The following PRKAA2 variants were observed in gnomAD, a reference collection of about 807,000 sequenced individuals.
The protein encoded by PRKAA2 is 5'-AMP-activated protein kinase catalytic subunit alpha-2.
PRKAA2 carries 40 observed loss-of-function variants against 56.3 expected under a neutral mutation model. That is an observed-to-expected ratio of 0.71 (90% CI 0.55 to 0.92). PRKAA2 has a LOEUF of 0.92. Ranked by LOEUF, PRKAA2 falls within the 40% of genes least tolerant of loss-of-function variation. The pLI is 0.00. For missense variants in PRKAA2, 542 were observed against 686.9 expected, an observed-to-expected ratio of 0.79 and a Z score of 2.36; for synonymous variants, 214 against 234.2, an observed-to-expected ratio of 0.91 and a Z score of 0.79.
intron 3 of PRKAA2, 97 bp from the exon 4 acceptor site, chr1:56,692,261 A>G: frequency 2.1e-6 from 3 of 1,442,518 alleles, no homozygotes; most frequent in Non-Finnish European, 2.9e-6. Flanking sequence ...CAAACTCCTG[A>G]CCTCAGGTAA....
chr1:56,674,005 C>A (rs1644095892), intron 1 of PRKAA2, among the ~76,000 whole-genome samples: 1 of 151,986 alleles, frequency 6.6e-6, no homozygotes, highest in Non-Finnish European at 1.5e-5. Flanking sequence ...AATACAATGA[C>A]TGGCATTAAA....
chr1:56,661,833 A>C (rs907487503), intron 1 of PRKAA2, among the ~76,000 whole-genome samples: 1 of 152,020 alleles, frequency 6.6e-6, no homozygotes, highest in Non-Finnish European at 1.5e-5. Context: ...TTTGAGATGC[A>C]ATACTTTTGA....
intron 1 of PRKAA2, among the ~76,000 whole-genome samples, chr1:56,669,923 G>C (rs1644062962): frequency 1.3e-5 from 2 of 152,122 alleles, no homozygotes; most frequent in East Asian, 3.9e-4. Flanking sequence ...AATTCCTTCT[G>C]TGTGACAATT....
At chr1:56,705,284 C>G (rs1312795628) in intron 7 of PRKAA2, among the ~76,000 whole-genome samples, 1 of 152,068 alleles carries the variant, frequency 6.6e-6, no homozygotes, top group African/African-American at 2.4e-5. Context: ...TTGGAGCAGT[C>G]TTATTTAGTT....
chr1:56,662,807 G>A (rs1644005506), intron 1 of PRKAA2, among the ~76,000 whole-genome samples: 1 of 148,548 alleles, frequency 6.7e-6, no homozygotes, highest in African/African-American at 2.4e-5. Context: ...AGCCACATCA[G>A]AACTGTAAGT....
At chr1:56,676,000 A>G (rs1644110345) in intron 2 of PRKAA2, among the ~76,000 whole-genome samples, 1 of 152,202 alleles carries the variant, frequency 6.6e-6, no homozygotes, top group Non-Finnish European at 1.5e-5. Context: ...CTAGTTCATT[A>G]AAATCAGGCA....
At chr1:56,666,344 T>G (rs1644036003) in intron 1 of PRKAA2, among the ~76,000 whole-genome samples, 1 of 152,170 alleles carries the variant, frequency 6.6e-6, no homozygotes, top group Non-Finnish European at 1.5e-5. Flanking sequence ...ATTACAGCAC[T>G]TGATGTTAAG....
intron 6 of PRKAA2, among the ~76,000 whole-genome samples, chr1:56,701,423 T>C (rs1644292816): frequency 6.6e-6 from 1 of 151,624 alleles, no homozygotes; most frequent in African/African-American, 2.4e-5. Flanking sequence ...AAAAGATCTA[T>C]CTCAAGTTAT....
chr1:56,695,176 G>A (rs1295625031), intron 5 of PRKAA2, among the ~76,000 whole-genome samples: 2 of 123,482 alleles, frequency 1.6e-5, no homozygotes. Flanking sequence ...CTATATATAT[G>A]ATATATTATA....
chr1:56,674,614 T>C lies in PRKAA2; in HGVS notation c.236+92T>C, dbSNP rs1644100415. On this transcript the variant is annotated intron_variant, in intron 2 of 8. Coordinates refer to ENST00000371244, the MANE Select transcript of PRKAA2 (RefSeq NM_006252.4). ...TAATAATTGTTAATTGTTAACCTTT[T>C]ACAAAGATTTTTTTTCATGTTCATA... The C allele has an allele frequency of 2.6e-6, 3 of 1,154,578 alleles. No individual in the cohort carries two copies. The East Asian group carries it at 8.3e-5, about 32-fold the overall frequency. 71.5% of individuals were successfully genotyped at this position (1,154,578 alleles called of 1,614,324 possible).
intron 1 of PRKAA2, among the ~76,000 whole-genome samples, chr1:56,666,535 A>C (rs1291701849): frequency 6.6e-6 from 1 of 152,220 alleles, no homozygotes; most frequent in East Asian, 1.9e-4. Context: ...GTGAATGGGA[A>C]TTTAAATAGT....
intron 1 of PRKAA2, among the ~76,000 whole-genome samples, chr1:56,655,199 A>G (rs923638531): frequency 2.8e-4 from 41 of 148,028 alleles, no homozygotes; most frequent in African/African-American, 9.9e-4. Flanking sequence ...TATGATAAGT[A>G]TAAGTTATTT....
chr1:56,698,925 G>A (rs1404217502), intron 6 of PRKAA2, among the ~76,000 whole-genome samples: 1 of 152,096 alleles, frequency 6.6e-6, no homozygotes, highest in Non-Finnish European at 1.5e-5. Context: ...TGTTCTCCAG[G>A]TATCTTAAGC....
At chr1:56,664,881 CACACACACACAT>C (rs1328611306) in intron 1 of PRKAA2, among the ~76,000 whole-genome samples, 19 of 147,050 alleles carry the variant, frequency 1.3e-4, no homozygotes, top group Admixed American at 2.7e-4. Flanking sequence ...CACACACACA[CACACACACACAT>C]ATATACATAC....
intron 2 of PRKAA2, among the ~76,000 whole-genome samples, chr1:56,675,694 A>G (rs1569747733): frequency 6.6e-6 from 1 of 152,180 alleles, no homozygotes; most frequent in East Asian, 1.9e-4. Flanking sequence ...AGCCCTATGT[A>G]TAAACTTTAT....
At chr1:56,703,626 A>G (rs2100436486) in intron 6 of PRKAA2, among the ~76,000 whole-genome samples, 1 of 152,370 alleles carries the variant, frequency 6.6e-6, no homozygotes, top group Non-Finnish European at 1.5e-5. Context: ...GTCTTTAAGT[A>G]TTGAGAAGCT....
chr1:56,701,927 A>T (rs1321174643), intron 6 of PRKAA2, among the ~76,000 whole-genome samples: 1 of 152,090 alleles, frequency 6.6e-6, no homozygotes, highest in Non-Finnish European at 1.5e-5. Flanking sequence ...TTACTGGGCA[A>T]GATTAAGAAA....
chr1:56,672,988 AG>A (rs941499091), intron 1 of PRKAA2, among the ~76,000 whole-genome samples: 2 of 152,144 alleles, frequency 1.3e-5, no homozygotes, highest in African/African-American at 4.8e-5. Flanking sequence ...AAAAGGAAAA[AG>A]GTTGAATATG....
At chr1:56,664,079 CAG>C (rs981367604) in intron 1 of PRKAA2, among the ~76,000 whole-genome samples, 3 of 152,168 alleles carry the variant, frequency 2.0e-5, no homozygotes, top group Admixed American at 6.5e-5. Context: ...GCCTGGGCAA[CAG>C]AGTGAGACCC....
Sources: allele counts gnomAD v4.1 joint callset (sites outside exome capture counted in the v4.1 genomes callset), GRCh38; gene constraint gnomAD v4.1.1; transcripts MANE v1.5; gene names NCBI Gene and HGNC (gene_info 2026-07-23, HGNC 2026-07-21).